MBNL2: variants seen among roughly 807,000 people sequenced by gnomAD.
MBNL2 encodes muscleblind-like protein 2.
In MBNL2, 17 loss-of-function variants were observed where a neutral mutation model predicts 41.9. The observed-to-expected ratio is 0.41, with a 90% CI of 0.28 to 0.61. The LOEUF (loss-of-function observed/expected upper bound fraction) is 0.61. MBNL2 is among the 20% of genes least tolerant of loss of function. The probability of loss-of-function intolerance (pLI) is 0.35; values close to 1 mark genes in which losing one functional copy is unlikely to be tolerated. For missense variants in MBNL2, 336 were observed against 505.6 expected (o/e 0.66, Z 3.22); for synonymous variants, 195 against 182.9 (o/e 1.07, Z -0.53).
At chr13:97,313,383 G>T (rs1399740350) in intron 2 of MBNL2, among the ~76,000 whole-genome samples, 1 of 152,166 alleles carries the variant, frequency 6.6e-6, no homozygotes. Context: ...ACCCACTGCT[G>T]CACAGAAGGA....
chr13:97,320,130 C>A (rs1460821296), intron 2 of MBNL2, among the ~76,000 whole-genome samples: 1 of 152,142 alleles, frequency 6.6e-6, no homozygotes, highest in Non-Finnish European at 1.5e-5. Context: ...CTTCCCAAGG[C>A]TGCTATAACC....
At chr13:97,181,357 C>T in the MBNL2 span, among the ~76,000 whole-genome samples, 3 of 152,106 alleles carry the variant, frequency 2.0e-5, no homozygotes, top group Non-Finnish European at 2.9e-5. Flanking sequence ...TGTGTAGGGA[C>T]ACGACTCTGT....
chr13:97,248,628 C>A (rs951393406), intron 1 of MBNL2, among the ~76,000 whole-genome samples: 4 of 152,154 alleles, frequency 2.6e-5, no homozygotes, highest in African/African-American at 9.7e-5. Context: ...TATCTCTAAC[C>A]ATTTAAAGCA....
intron 1 of MBNL2, among the ~76,000 whole-genome samples, chr13:97,256,878 A>T (rs891445759): frequency 2.6e-5 from 4 of 152,232 alleles, no homozygotes; most frequent in Non-Finnish European, 5.9e-5. Flanking sequence ...AGTCATTTTG[A>T]TTACCACCAA....
intron 3 of MBNL2, among the ~76,000 whole-genome samples, chr13:97,342,131 G>A (rs781157121): frequency 2.6e-5 from 4 of 152,176 alleles, no homozygotes; most frequent in African/African-American, 4.8e-5. Flanking sequence ...AACAAGGTTT[G>A]TTCTCTTAAA....
intron 1 of MBNL2, among the ~76,000 whole-genome samples, chr13:97,241,132 G>C (rs1409252584): frequency 6.6e-6 from 1 of 152,202 alleles, no homozygotes; most frequent in African/African-American, 2.4e-5. Context: ...TGTAAGGATT[G>C]GTTCAAGGTG....
rs903571826 is a variant in MBNL2, at chr13:97,370,050, T to G, written c.1048+4879T>G. Among the ~76,000 whole-genome samples the G allele has an allele frequency of 2.6e-5, 4 of 152,162 alleles. No homozygotes were observed. The South Asian group carries it at 8.3e-4, about 31-fold the overall frequency. On this transcript the variant is annotated intron_variant, in intron 8 of 8. Coordinates refer to ENST00000679496, the MANE Select transcript of MBNL2 (RefSeq NM_001382683.1). ...GTAATATATTACATATCATCATATA[T>G]TCTATTATATACTATGTAAGACAGG... is the stretch of plus-strand genomic sequence containing the variant.
intron 1 of MBNL2, among the ~76,000 whole-genome samples, chr13:97,239,097 G>C (rs2043810326): frequency 6.6e-6 from 1 of 152,180 alleles, no homozygotes; most frequent in Non-Finnish European, 1.5e-5. Flanking sequence ...CACGATCTCT[G>C]TATTACCACA....
rs2060663174 is a variant in MBNL2, at chr13:97,334,042, C to T, written c.175-234C>T. 1.3e-5 allele frequency among the ~76,000 whole-genome samples: 2 copies of T among 151,644 alleles called. No individual in the cohort carries two copies. Among genetic ancestry groups the T allele is most frequent in the Non-Finnish European group, 1.5e-5 (1 of 67,924 alleles). Reference sequence around the variant, plus strand: ...AGGGAGGGAGGGAGGGAAAAATCCTCAGGAAGCTTCTCTACTTAACATGTT... The same window carrying T: ...AGGGAGGGAGGGAGGGAAAAATCCTTAGGAAGCTTCTCTACTTAACATGTT... On this transcript the variant is annotated intron_variant, in intron 2 of 8. Coordinates refer to ENST00000679496, the MANE Select transcript of MBNL2 (RefSeq NM_001382683.1). The surrounding 1 kb of genome is among the most constrained non-coding windows in gnomAD (Gnocchi z 5.3).
intron 1 of MBNL2, among the ~76,000 whole-genome samples, chr13:97,230,045 C>T (rs1046068032): frequency 6.6e-6 from 1 of 152,208 alleles, no homozygotes; most frequent in Non-Finnish European, 1.5e-5. Flanking sequence ...CGCCTGTAAT[C>T]CCAGCACTTT....
chr13:97,170,628 T>C, the MBNL2 span, among the ~76,000 whole-genome samples: 1 of 152,048 alleles, frequency 6.6e-6, no homozygotes, highest in Non-Finnish European at 1.5e-5. Context: ...ACTCAGTTGC[T>C]TCTGGGTGGG....
intron 2 of MBNL2, among the ~76,000 whole-genome samples, chr13:97,288,692 C>G (rs2055167010): frequency 6.6e-6 from 1 of 152,190 alleles, no homozygotes; most frequent in African/African-American, 2.4e-5. Flanking sequence ...ATTCTTTCCA[C>G]TTGGTTTGAT....
intron 1 of MBNL2, among the ~76,000 whole-genome samples, chr13:97,266,782 A>G (rs536243594): frequency 6.6e-6 from 1 of 152,142 alleles, no homozygotes; most frequent in Non-Finnish European, 1.5e-5. Context: ...CGAAAATTAG[A>G]AATAGGAGAG....
the MBNL2 span, among the ~76,000 whole-genome samples, chr13:97,175,035 C>T: frequency 2.0e-5 from 3 of 152,164 alleles, no homozygotes; most frequent in African/African-American, 7.2e-5. Flanking sequence ...TAAGAAAATA[C>T]CCTGCAGAGA....
intron 2 of MBNL2, among the ~76,000 whole-genome samples, chr13:97,282,050 C>CAA (rs35288409): frequency 8.2e-4 from 120 of 146,106 alleles, no homozygotes; most frequent in Admixed American, 1.2e-3. Context: ...TGTTGAGGTC[C>CAA]AAAAAAAAAA....
chr13:97,148,154 G>T, the MBNL2 span, among the ~76,000 whole-genome samples: 2 of 152,304 alleles, frequency 1.3e-5, no homozygotes, highest in East Asian at 3.9e-4. Flanking sequence ...ACATAGACAA[G>T]TGTTTATTCA....
the MBNL2 span, among the ~76,000 whole-genome samples, chr13:97,187,142 G>A: frequency 6.6e-6 from 1 of 152,178 alleles, no homozygotes; most frequent in Non-Finnish European, 1.5e-5. Context: ...CAGATGTTAA[G>A]AAATGCACAA....
chr13:97,332,976 A>G (rs1465692505), intron 2 of MBNL2, among the ~76,000 whole-genome samples: 1 of 152,172 alleles, frequency 6.6e-6, no homozygotes, highest in African/African-American at 2.4e-5. Flanking sequence ...GCCCTTCTCC[A>G]TGGTGGTGGG....
the MBNL2 span, among the ~76,000 whole-genome samples, chr13:97,211,296 G>T: frequency 6.6e-6 from 1 of 152,156 alleles, no homozygotes; most frequent in African/African-American, 2.4e-5. Flanking sequence ...ATTTGTAAGT[G>T]ATTAGGCTTG....
Sources: gnomAD v4.1 joint callset for allele counts (sites outside exome capture counted in the v4.1 genomes callset) on GRCh38, gnomAD v4.1.1 for gene constraint, Gnocchi (gnomAD v3.1) non-coding constraint, MANE v1.5 for transcripts, NCBI Gene and HGNC (gene_info 2026-07-23, HGNC 2026-07-21) for gene names.